The following ADAMTS6 variants were observed in gnomAD, a reference collection of about 807,000 sequenced individuals.
The protein encoded by ADAMTS6 is A disintegrin and metalloproteinase with thrombospondin motifs 6.
Under a neutral mutation model 144.3 loss-of-function variants are expected in ADAMTS6, and 23 were observed. The ratio of observed to expected loss-of-function variants is 0.16; its 90% confidence interval spans 0.11 to 0.23. The LOEUF is 0.23. ADAMTS6 is among the 10% of genes least tolerant of loss of function. ADAMTS6 has a pLI of 1.00. For missense variants in ADAMTS6, 999 were observed against 1,379.6 expected (o/e 0.72, Z 4.37); for synonymous variants, 444 against 457.5 (o/e 0.97, Z 0.38).
chr5:65,245,382 T>A (rs917452370), intron 14 of ADAMTS6, among the ~76,000 whole-genome samples: 7 of 152,120 alleles, frequency 4.6e-5, no homozygotes, highest in African/African-American at 1.7e-4. Flanking sequence ...TGTAGCTCCA[T>A]CTTCAGGTAA....
chr5:65,318,230 C>G (rs1198715673), intron 9 of ADAMTS6, among the ~76,000 whole-genome samples: 1 of 152,064 alleles, frequency 6.6e-6, no homozygotes, highest in African/African-American at 2.4e-5. Context: ...CAGAAAGTAA[C>G]AAATGCTGGC....
intron 7 of ADAMTS6, among the ~76,000 whole-genome samples, chr5:65,357,088 T>C (rs1749388771): frequency 6.6e-6 from 1 of 151,658 alleles, no homozygotes; most frequent in African/African-American, 2.4e-5. Context: ...TAGAATTTAC[T>C]GGACTCAAAA....
At chr5:65,419,284 A>G (rs1313186590) in intron 7 of ADAMTS6, among the ~76,000 whole-genome samples, 1 of 152,234 alleles carries the variant, frequency 6.6e-6, no homozygotes, top group East Asian at 1.9e-4. Flanking sequence ...TCCTAAGCAA[A>G]TTAATGCAGG....
chr5:65,176,151 A>T (rs1015589374), intron 22 of ADAMTS6, among the ~76,000 whole-genome samples: 3 of 152,222 alleles, frequency 2.0e-5, no homozygotes, highest in Non-Finnish European at 4.4e-5. Flanking sequence ...TTATGTAAAA[A>T]GAGTGTTATA....
chr5:65,317,655 T>A (rs926914899), intron 9 of ADAMTS6, among the ~76,000 whole-genome samples: 9 of 152,048 alleles, frequency 5.9e-5, no homozygotes, highest in Non-Finnish European at 1.3e-4. Context: ...TTTCAAACTA[T>A]CCATCTGACA....
chr5:65,352,407 G>A (rs1185261275), intron 7 of ADAMTS6, among the ~76,000 whole-genome samples: 2 of 152,010 alleles, frequency 1.3e-5, no homozygotes, highest in Non-Finnish European at 2.9e-5. Context: ...CAGAAGTAAT[G>A]GTTTAAAAAA....
intron 7 of ADAMTS6, among the ~76,000 whole-genome samples, chr5:65,418,226 T>C (rs937191113): frequency 6.6e-6 from 1 of 152,154 alleles, no homozygotes; most frequent in African/African-American, 2.4e-5. Flanking sequence ...TCAAGATGGA[T>C]TAAAATTTTA....
In ADAMTS6 at chr5:65,151,737, C is replaced by T; in HGVS notation, c.*99G>A. ...TGGTTACGTTTTCCACAGGGTAATG[C>T]ATTTGCAAGGACATCAATCCTCTTC... On this transcript the variant is annotated 3_prime_UTR_variant, in exon 25 of 25. Coordinates refer to ENST00000381055, the MANE Select transcript of ADAMTS6 (RefSeq NM_197941.4). 1 of 1,031,376 alleles carries T rather than the reference C, an allele frequency of 9.7e-7. No individual in the cohort carries two copies. 63.9% of individuals were successfully genotyped at this position (1,031,376 alleles called of 1,614,324 possible). A position where few individuals can be genotyped will look rare whatever the true frequency, so the allele number is the denominator to read the frequency against.
intron 24 of ADAMTS6, among the ~76,000 whole-genome samples, chr5:65,167,157 G>A (rs1055834371): frequency 6.8e-6 from 1 of 146,222 alleles, no homozygotes; most frequent in African/African-American, 2.5e-5. Flanking sequence ...AAGAAAAAAA[G>A]AGAGAAGAAT....
intron 1 of ADAMTS6, among the ~76,000 whole-genome samples, chr5:65,477,749 T>G (rs13155773): frequency 0.053 from 7,972 of 149,286 alleles, 296 homozygotes; most frequent in East Asian, 0.1. Flanking sequence ...ATCACTCCCT[T>G]GCTCCCTCCC....
rs146599524 is a variant in ADAMTS6, at chr5:65,310,254, C to T, written c.1224-10123G>A. Among the ~76,000 whole-genome samples the T allele has an allele frequency of 2.0e-4, 31 of 152,142 alleles. 2 individuals carry two copies. Among genetic ancestry groups the T allele is most frequent in the African/African-American group, 6.5e-4 (27 of 41,516 alleles). ...ATGCTTTCTGTACAGCCTGAAGAAC[C>T]GTGAGCCAATTAAGTTTCTTTTATT... On this transcript the variant is annotated intron_variant, in intron 9 of 24. Coordinates refer to ENST00000381055, the MANE Select transcript of ADAMTS6 (RefSeq NM_197941.4).
intron 7 of ADAMTS6, among the ~76,000 whole-genome samples, chr5:65,435,391 AT>A (rs1757311290): frequency 6.6e-6 from 1 of 152,134 alleles, no homozygotes; most frequent in Non-Finnish European, 1.5e-5. Context: ...AAAAGCAAAT[AT>A]GATAAAAATG....
Position 65,289,666 on chromosome 5 carries a change from TATTA to T in ADAMTS6, c.1512+1659_1512+1662del, listed in dbSNP as rs1742094820. Among the ~76,000 whole-genome samples the T allele has an allele frequency of 2.6e-5, 4 of 152,354 alleles. No individual in the cohort carries two copies. In the South Asian group the frequency reaches 6.2e-4, roughly 24 times the overall value. ...AGCAAGAAGAATTAAGTCAAATTTT[TATTA>T]ATTTATTTGAGAGAGAAAAAGACTA... On this transcript the variant is annotated intron_variant, in intron 11 of 24. Transcript: ENST00000381055.
intron 15 of ADAMTS6, among the ~76,000 whole-genome samples, chr5:65,233,131 T>C (rs1201944990): frequency 1.3e-5 from 2 of 152,004 alleles, no homozygotes; most frequent in African/African-American, 4.8e-5. Flanking sequence ...AAAAACAGCA[T>C]CTGACAAAAT....
At chr5:65,466,622 G>A (rs1457212414) in intron 3 of ADAMTS6, among the ~76,000 whole-genome samples, 1 of 152,160 alleles carries the variant, frequency 6.6e-6, no homozygotes, top group Non-Finnish European at 1.5e-5. Flanking sequence ...TAATGAAAAG[G>A]GGAGAATGAC....
At chr5:65,160,277 C>T (rs1424173007) in intron 24 of ADAMTS6, among the ~76,000 whole-genome samples, 1 of 151,764 alleles carries the variant, frequency 6.6e-6, no homozygotes, top group Admixed American at 6.6e-5. Flanking sequence ...CACTCTCCTG[C>T]ATTAACCAGA....
intron 14 of ADAMTS6, among the ~76,000 whole-genome samples, chr5:65,247,193 G>A (rs1327773221): frequency 6.6e-6 from 1 of 152,118 alleles, no homozygotes; most frequent in African/African-American, 2.4e-5. Flanking sequence ...AGCATCTTTA[G>A]ATCTTAGTAT....
At chr5:65,173,150 A>C in intron 22 of ADAMTS6, 142 bp from the exon 23 acceptor site, 1 of 790,632 alleles carries the variant, frequency 1.3e-6, no homozygotes. Flanking sequence ...CTCAGATACA[A>C]CGTTCCTTAA....
At chr5:65,411,738 G>A (rs1755073089) in intron 7 of ADAMTS6, among the ~76,000 whole-genome samples, 1 of 152,166 alleles carries the variant, frequency 6.6e-6, no homozygotes, top group Non-Finnish European at 1.5e-5. Flanking sequence ...TTTAGTCACT[G>A]AAAACATTTA....
Sources: allele counts gnomAD v4.1 joint callset (sites outside exome capture counted in the v4.1 genomes callset), GRCh38; gene constraint gnomAD v4.1.1; transcripts MANE v1.5; gene names NCBI Gene and HGNC (gene_info 2026-07-23, HGNC 2026-07-21).